Variants in TMEM161B observed in about 807,000 individuals in gnomAD.
TMEM161B encodes the protein transmembrane protein 161B.
TMEM161B carries 34 observed loss-of-function variants against 61.8 expected under a neutral mutation model. That is an observed-to-expected ratio of 0.55 (90% CI 0.42 to 0.73). The LOEUF (loss-of-function observed/expected upper bound fraction) is 0.73, where lower values mean the gene tolerates loss of function less well. Ranked by LOEUF, TMEM161B falls within the 30% of genes least tolerant of loss-of-function variation. The pLI, the probability that TMEM161B is intolerant of heterozygous loss-of-function variation, is 0.00. For missense variants in TMEM161B, 456 were observed against 558.5 expected, an observed-to-expected ratio of 0.82 and a Z score of 1.85; for synonymous variants, 167 against 192.8, an observed-to-expected ratio of 0.87 and a Z score of 1.11.
At chr5:88,261,467 A>G (rs1755673659) in intron 1 of TMEM161B, among the ~76,000 whole-genome samples, 1 of 152,104 alleles carries the variant, frequency 6.6e-6, no homozygotes, top group African/African-American at 2.4e-5. Context: ...AAAGACCCAG[A>G]AGAGCCAACA....
At chr5:88,210,683 C>G (rs1433919475) in intron 5 of TMEM161B, among the ~76,000 whole-genome samples, 1 of 152,122 alleles carries the variant, frequency 6.6e-6, no homozygotes, top group Non-Finnish European at 1.5e-5. Context: ...ACACTCCAGG[C>G]AGGAGATTAA....
At chr5:88,226,867 A>G (rs1750138192) in intron 3 of TMEM161B, among the ~76,000 whole-genome samples, 1 of 152,214 alleles carries the variant, frequency 6.6e-6, no homozygotes, top group African/African-American at 2.4e-5. Context: ...CTGTAATTCC[A>G]ACACTTTGAG....
At chr5:88,210,529 C>A (rs1351305774) in intron 5 of TMEM161B, among the ~76,000 whole-genome samples, 1 of 152,104 alleles carries the variant, frequency 6.6e-6, no homozygotes, top group Non-Finnish European at 1.5e-5. Flanking sequence ...CAGCAGAAGA[C>A]TAAGATTTTT....
chr5:88,217,559 T>C (rs1265982643), intron 5 of TMEM161B, among the ~76,000 whole-genome samples: 1 of 94,802 alleles, frequency 1.1e-5, no homozygotes, highest in Non-Finnish European at 2.0e-5. Context: ...TGTGTGGTGG[T>C]GGCGGCAGCG....
intron 5 of TMEM161B, among the ~76,000 whole-genome samples, chr5:88,213,794 C>A (rs886237530): frequency 6.6e-6 from 1 of 152,052 alleles, no homozygotes; most frequent in African/African-American, 2.4e-5. Context: ...GTTCATACAA[C>A]AAACAAGCGT....
chr5:88,256,873 A>G (rs1160038450), intron 1 of TMEM161B, among the ~76,000 whole-genome samples: 1 of 152,224 alleles, frequency 6.6e-6, no homozygotes, highest in Non-Finnish European at 1.5e-5. Context: ...TATTCACTTT[A>G]AGAGTAAAAG....
intron 2 of TMEM161B, 43 bp downstream of exon 2, chr5:88,240,770 G>C (rs1432671053): frequency 1.7e-5 from 24 of 1,388,970 alleles, no homozygotes; most frequent in Middle Eastern, 1.8e-4. Context: ...TGGTAAACTA[G>C]AGATTGAAAG....
At chr5:88,206,521 AC>A (rs1270889346) in intron 6 of TMEM161B, 22 bp from the exon 7 acceptor site, 12 of 1,535,606 alleles carry the variant, frequency 7.8e-6, no homozygotes, top group African/African-American at 4.2e-5. Flanking sequence ...AAAAAAAAAA[AC>A]AACAGATTAC....
intron 1 of TMEM161B, among the ~76,000 whole-genome samples, chr5:88,258,866 T>C (rs549787214): frequency 6.6e-6 from 1 of 152,274 alleles, no homozygotes; most frequent in African/African-American, 2.4e-5. Context: ...GATAGCTATA[T>C]AAACAAATAA....
intron 2 of TMEM161B, among the ~76,000 whole-genome samples, chr5:88,237,343 C>G (rs769080952): frequency 2.0e-5 from 3 of 152,136 alleles, no homozygotes; most frequent in Non-Finnish European, 4.4e-5. Context: ...ACAGCTCACT[C>G]TCTCTTCACT....
downstream of TMEM161B, among the ~76,000 whole-genome samples, chr5:88,194,835 T>C (rs1010966862): frequency 6.6e-6 from 1 of 152,098 alleles, no homozygotes; most frequent in African/African-American, 2.4e-5. Context: ...CATGTATTCA[T>C]TTATTTGAAA....
intron 5 of TMEM161B, among the ~76,000 whole-genome samples, chr5:88,217,128 T>C (rs1241285610): frequency 6.6e-6 from 1 of 152,144 alleles, no homozygotes; most frequent in African/African-American, 2.4e-5. Context: ...TGGTGGCACG[T>C]GCCTGTAACT....
chr5:88,237,030 T>A (rs373100273), intron 2 of TMEM161B, among the ~76,000 whole-genome samples: 2 of 152,150 alleles, frequency 1.3e-5, no homozygotes, highest in African/African-American at 4.8e-5. Flanking sequence ...ATAAATCACA[T>A]AAATACTAGA....
At chr5:88,192,747 G>A (rs1749082195), downstream of TMEM161B, among the ~76,000 whole-genome samples, 1 of 152,138 alleles carries the variant, frequency 6.6e-6, no homozygotes, top group Non-Finnish European at 1.5e-5. Context: ...TTATTTTGTT[G>A]AATAAAGCCA....
downstream of TMEM161B, among the ~76,000 whole-genome samples, chr5:88,190,859 A>G (rs547920446): frequency 6.4e-4 from 98 of 152,204 alleles, no homozygotes; most frequent in African/African-American, 2.3e-3. Flanking sequence ...TACTTGTTAT[A>G]GATTCTTTTA....
intron 1 of TMEM161B, among the ~76,000 whole-genome samples, chr5:88,266,075 TA>T (rs1160195641): frequency 1.3e-5 from 2 of 152,248 alleles, no homozygotes; most frequent in African/African-American, 4.8e-5. Context: ...CTTGAAAGCA[TA>T]AAAATTAAGC....
intron 2 of TMEM161B, among the ~76,000 whole-genome samples, chr5:88,239,749 T>C (rs1450393638): frequency 2.0e-5 from 3 of 151,948 alleles, no homozygotes; most frequent in African/African-American, 2.4e-5. Flanking sequence ...CAGAGAAGAA[T>C]ACAAATAATT....
chr5:88,230,646 C>A (rs1750837025), intron 2 of TMEM161B, among the ~76,000 whole-genome samples: 1 of 152,148 alleles, frequency 6.6e-6, no homozygotes, highest in African/African-American at 2.4e-5. Context: ...TCCCTTGGTG[C>A]TTTTTGCATA....
chr5:88,217,830 G>A (rs1008098467), intron 5 of TMEM161B, among the ~76,000 whole-genome samples: 3 of 150,218 alleles, frequency 2.0e-5, no homozygotes, highest in African/African-American at 4.9e-5. Flanking sequence ...AATCACTAGA[G>A]CTCTCTAAGA....
Sources: allele counts gnomAD v4.1 joint callset (sites outside exome capture counted in the v4.1 genomes callset), GRCh38; gene constraint gnomAD v4.1.1; transcripts MANE v1.5; gene names NCBI Gene and HGNC (gene_info 2026-07-23, HGNC 2026-07-21).